BCKDK: variants seen among roughly 807,000 people sequenced by gnomAD.
BCKDK encodes the protein branched-chain alpha-ketoacid dehydrogenase kinase.
BCKDK carries 28 observed loss-of-function variants against 43.9 expected under a neutral mutation model. The ratio of observed to expected loss-of-function variants is 0.64; its 90% CI spans 0.47 to 0.87. The LOEUF (loss-of-function observed/expected upper bound fraction) is 0.87, where lower values mean the gene tolerates loss of function less well. Ranked by LOEUF, BCKDK falls within the 40% of genes least tolerant of loss-of-function variation. The probability of loss-of-function intolerance (pLI) is 0.00; values close to 1 mark genes in which losing one functional copy is unlikely to be tolerated. For synonymous variants in BCKDK, 257 were observed against 234.3 expected (o/e 1.10, Z -0.88); for missense variants, 483 against 581.4 (o/e 0.83, Z 1.74).
rs1567430474 is a variant in BCKDK, at chr16:31,112,490, C to G, written c.*225C>G. 1.5e-6 allele frequency: 1 copy of G among 671,690 alleles called. No individual in the cohort carries two copies. Among genetic ancestry groups the G allele is most frequent in the East Asian group, 2.7e-5 (1 of 36,386 alleles). The allele number at this position is 671,690 out of a possible 1,614,324, so 41.6% of individuals were successfully genotyped here. On this transcript the variant is annotated 3_prime_UTR_variant, in exon 12 of 12. Coordinates refer to ENST00000219794, the MANE Select transcript of BCKDK (RefSeq NM_005881.4). This position sits in a 1 kb window ranked among gnomAD's most constrained non-coding sequence, Gnocchi z 5.0. ...CAGGGAAGTGGGCACCCTGAGGCCTCCAGCACCAGTTCCGTCATTCTCGTT... is the reference window on the plus strand; with the variant it reads ...CAGGGAAGTGGGCACCCTGAGGCCTGCAGCACCAGTTCCGTCATTCTCGTT...
In BCKDK at chr16:31,111,350, T is replaced by C; in HGVS notation, c.896T>C (p.Val299Ala). 6.2e-7 allele frequency: 1 copy of C among 1,614,148 alleles called. No homozygotes were observed. The highest frequency in any genetic ancestry group is 8.5e-7 in the Non-Finnish European group (1 of 1,180,008). ...ACTCCCTACAATGTCCCAGATGTGG[T>C]CATCACCATCGCCAACAATGATGTC... Reference protein sequence around the residue: ...LDTPYNVPDVVITIANNDVDL... With the variant: ...LDTPYNVPDVAITIANNDVDL... Residue 299 changes from valine (V) to alanine (A), a missense_variant, in exon 10 of 12, where the codon GTC becomes GCC. Coordinates refer to ENST00000219794, the MANE Select transcript of BCKDK (RefSeq NM_005881.4).
chr16:31,109,308 G>A lies in BCKDK; in HGVS notation c.85G>A (p.Ala29Thr). 3 of 1,607,360 alleles carry A rather than the reference G, an allele frequency of 1.9e-6. No homozygotes were observed. The highest frequency in any genetic ancestry group is 2.5e-6 in the Non-Finnish European group (3 of 1,177,040). ...PLLGPALALR[A>T]RSTSATDTHH... ...CCTGGGACCCGCACTCGCGCTCCGGGCCCGCTCGACGTCGGCCACCGACAC... is the reference window on the plus strand; with the variant it reads ...CCTGGGACCCGCACTCGCGCTCCGGACCCGCTCGACGTCGGCCACCGACAC... Residue 29 changes from alanine (A) to threonine (T), a missense_variant, in exon 2 of 12, where the codon GCC becomes ACC. Coordinates refer to ENST00000219794, the MANE Select transcript of BCKDK (RefSeq NM_005881.4). The surrounding 1 kb of genome is among the most constrained non-coding windows in gnomAD (Gnocchi z 5.3).
chr16:31,115,112 G>A (rs751136257), downstream of BCKDK, among the ~76,000 whole-genome samples: 2 of 151,634 alleles, frequency 1.3e-5, no homozygotes, highest in Non-Finnish European at 2.9e-5. Flanking sequence ...CAGTAGAGAC[G>A]GGGTTTCACA....
chr16:31,109,493 G>T lies in BCKDK; in HGVS notation c.196-18G>T. 1 of 1,614,022 alleles carries T rather than the reference G, an allele frequency of 6.2e-7. No homozygotes were observed. The highest frequency in any genetic ancestry group is 8.5e-7 in the Non-Finnish European group (1 of 1,179,996). ...GAGTGTTGGGGGTTCTCTGCTCAAGGCCTCTCTCCCTCTCTAGCCCTCAGT... is the reference window on the plus strand; with the variant it reads ...GAGTGTTGGGGGTTCTCTGCTCAAGTCCTCTCTCCCTCTCTAGCCCTCAGT... On this transcript the variant is annotated intron_variant, in intron 2 of 11. Transcript: ENST00000219794. This position sits in a 1 kb window ranked among gnomAD's most constrained non-coding sequence, Gnocchi z 5.3.
At chr16:31,117,527 C>T (rs931298977), downstream of BCKDK, 17 of 555,390 alleles carry the variant, frequency 3.1e-5, no homozygotes, top group Non-Finnish European at 4.5e-5. Flanking sequence ...CAACATCCAA[C>T]TCGCGGGGCC....
intron 10 of BCKDK, 107 bp downstream of exon 10, chr16:31,111,496 T>A: frequency 1.6e-6 from 2 of 1,260,714 alleles, no homozygotes; most frequent in African/African-American, 1.5e-5. Context: ...TTCTGGGACT[T>A]GGTCCCTGAC....
rs1211566713 is a variant in BCKDK at position 31,110,550 on chromosome 16, G to A, written c.642+51G>A. On this transcript the variant is annotated intron_variant, in intron 7 of 11. Transcript: ENST00000219794. The surrounding 1 kb of genome is among the most constrained non-coding windows in gnomAD (Gnocchi z 5.4). ...CCTGGGAACATTAAGTGAGACAGAG[G>A]AGACTGGGCTGGGGATCCGGGTCAA... is the stretch of plus-strand genomic sequence containing the variant. The A allele has an allele frequency of 6.2e-7, 1 of 1,604,754 alleles. No individual in the cohort carries two copies. Among genetic ancestry groups the A allele is most frequent in the Non-Finnish European group, 8.5e-7 (1 of 1,172,002 alleles).
Position 31,110,713 on chromosome 16 carries a change from C to T in BCKDK, c.668C>T (p.Thr223Ile). ...CCTGACTTTGTCGGCATCATCTGTA[C>T]TCGTCTCTCACCAAAGAAGATTATT... is the stretch of plus-strand genomic sequence containing the variant. ...DKPDFVGIIC[T>I]RLSPKKIIEK... is the part of the protein sequence containing the mutation. The change falls in exon 8 of 12, where the codon ACT becomes ATT. Residue 223 changes from threonine (T) to isoleucine (I), a missense_variant. Transcript: ENST00000219794. The surrounding 1 kb of genome is among the most constrained non-coding windows in gnomAD (Gnocchi z 5.4). 1.2e-6 allele frequency: 2 copies of T among 1,614,136 alleles called. No homozygotes were observed. Among genetic ancestry groups the T allele is most frequent in the East Asian group, 2.2e-5 (1 of 44,876 alleles).
At chr16:31,116,778 G>A (rs1433708320), downstream of BCKDK, among the ~76,000 whole-genome samples, 10 of 151,838 alleles carry the variant, frequency 6.6e-5, no homozygotes, top group Non-Finnish European at 1.2e-4. Flanking sequence ...ATAGCCGGGC[G>A]TGGTGGCGCG....
rs904538779 is a variant in BCKDK at position 31,109,074 on chromosome 16, C to T, written c.-150C>T. The T allele has an allele frequency of 4.6e-6, 3 of 648,358 alleles. No individual in the cohort carries two copies. The highest frequency in any genetic ancestry group is 7.1e-5 in the Admixed American group (2 of 27,974). 40.2% of individuals were successfully genotyped at this position (648,358 alleles called of 1,614,324 possible). On this transcript the variant is annotated 5_prime_UTR_variant, in exon 2 of 12. Coordinates refer to ENST00000219794, the MANE Select transcript of BCKDK (RefSeq NM_005881.4). This position sits in a 1 kb window ranked among gnomAD's most constrained non-coding sequence, Gnocchi z 5.3. Reference sequence around the variant, plus strand: ...GGGAGCTGCTCTCCGCGGGCTGAGCCTGTCAGCATCCTCGACGCACCCTGG... The same window carrying T: ...GGGAGCTGCTCTCCGCGGGCTGAGCTTGTCAGCATCCTCGACGCACCCTGG...
In BCKDK at chr16:31,110,996, C is replaced by T. The variant is rs1189198993; in HGVS notation, c.717-95C>T. The T allele has an allele frequency of 1.3e-6, 2 of 1,559,812 alleles. No individual in the cohort carries two copies. The highest frequency in any genetic ancestry group is 1.4e-5 in the African/African-American group (1 of 73,854). ...GTTGTGACAAACAAAAATGTCTCTGCACATTGCCATATGTTACTTAGGGGG... is the reference window on the plus strand; with the variant it reads ...GTTGTGACAAACAAAAATGTCTCTGTACATTGCCATATGTTACTTAGGGGG... On this transcript the variant is annotated intron_variant, in intron 8 of 11. Coordinates refer to ENST00000219794, the MANE Select transcript of BCKDK (RefSeq NM_005881.4). The surrounding 1 kb of genome is among the most constrained non-coding windows in gnomAD (Gnocchi z 5.4).
Position 31,109,638 on chromosome 16 carries a change from C to G in BCKDK, c.265-35C>G. ...CCTGGAGCTCTCCCAGACACTCAGG[C>G]TCCAGCCCCGCCTTCCCTTCTCATT... On this transcript the variant is annotated intron_variant, in intron 3 of 11. Transcript: ENST00000219794. This position sits in a 1 kb window ranked among gnomAD's most constrained non-coding sequence, Gnocchi z 5.3. 1 of 1,613,680 alleles carries G rather than the reference C, an allele frequency of 6.2e-7. No individual in the cohort carries two copies. Among genetic ancestry groups the G allele is most frequent in the South Asian group, 1.1e-5 (1 of 91,082 alleles).
rs766699729 is a variant in BCKDK, at chr16:31,110,186, A to G, written c.424-19A>G. On this transcript the variant is annotated intron_variant, in intron 5 of 11. Coordinates refer to ENST00000219794, the MANE Select transcript of BCKDK (RefSeq NM_005881.4). The surrounding 1 kb of genome is among the most constrained non-coding windows in gnomAD (Gnocchi z 5.4). ...GGTTGGGCTTGGACCACCCTTCCTC[A>G]TGACTCTGTGACCTGCAGATCAAGG... The G allele has an allele frequency of 6.2e-7, 1 of 1,613,974 alleles. No individual in the cohort carries two copies. The highest frequency in any genetic ancestry group is 8.5e-7 in the Non-Finnish European group (1 of 1,180,000).
downstream of BCKDK, among the ~76,000 whole-genome samples, chr16:31,114,294 C>G (rs998649257): frequency 1.4e-5 from 2 of 144,622 alleles, no homozygotes; most frequent in African/African-American, 5.1e-5. Flanking sequence ...CGCCCCACCC[C>G]CCCCCAACCC....
At chr16:31,111,533 G>A (rs1402486771) in intron 10 of BCKDK, 144 bp downstream of exon 10, 2 of 975,068 alleles carry the variant, frequency 2.1e-6, no homozygotes, top group African/African-American at 3.2e-5. Flanking sequence ...TGAATCCTGA[G>A]ATGGCCATGA....
chr16:31,116,039 G>A (rs548077514), downstream of BCKDK, among the ~76,000 whole-genome samples: 593 of 151,978 alleles, frequency 3.9e-3, 6 homozygotes, highest in Non-Finnish European at 6.8e-3. Flanking sequence ...AGCCTCCCGA[G>A]TAGCTGGGAC....
At chr16:31,117,398 A>AAATAAATAAATT (rs377332555), downstream of BCKDK, 7,934 of 233,648 alleles carry the variant, frequency 0.034, 275 homozygotes, top group Non-Finnish European at 0.048. Context: ...ATAAATAAAT[A>AAATAAATAAATT]AATTAAAAAA....
Position 31,109,614 on chromosome 16 carries a change from C to T in BCKDK, c.264+35C>T. The T allele has an allele frequency of 1.2e-6, 2 of 1,613,886 alleles. No individual in the cohort carries two copies. Among genetic ancestry groups the T allele is most frequent in the Non-Finnish European group, 1.7e-6 (2 of 1,179,884 alleles). ...ACGCCCTCTATTTTCCTCGTGGATC[C>T]TGGAGCTCTCCCAGACACTCAGGCT... On this transcript the variant is annotated intron_variant, in intron 3 of 11. Transcript: ENST00000219794. The surrounding 1 kb of genome is among the most constrained non-coding windows in gnomAD (Gnocchi z 5.3).
At position 31,110,329 on chromosome 16, in the gene BCKDK, G is replaced by A; in HGVS notation, c.543+5G>A. On this transcript the variant is annotated splice_donor_5th_base_variant and intron_variant, in intron 6 of 11. Transcript: ENST00000219794. This position sits in a 1 kb window ranked among gnomAD's most constrained non-coding sequence, Gnocchi z 5.4. ...GAGAGCCGGAAGCACATAGAGGTTGGGGCAGCAAAGGAGAGGCCGGGCCTG... is the reference window on the plus strand; with the variant it reads ...GAGAGCCGGAAGCACATAGAGGTTGAGGCAGCAAAGGAGAGGCCGGGCCTG... 2 of 1,614,000 alleles carry A rather than the reference G, an allele frequency of 1.2e-6. No individual in the cohort carries two copies. Among genetic ancestry groups the A allele is most frequent in the East Asian group, 4.5e-5 (2 of 44,880 alleles).
Sources: allele counts gnomAD v4.1 joint callset (sites outside exome capture counted in the v4.1 genomes callset), GRCh38; gene constraint gnomAD v4.1.1; non-coding constraint Gnocchi (gnomAD v3.1); transcripts MANE v1.5; gene names NCBI Gene and HGNC (gene_info 2026-07-23, HGNC 2026-07-21).